The following TBC1D22A variants were observed in gnomAD, a reference collection of about 807,000 sequenced individuals.
The protein encoded by TBC1D22A is TBC1 domain family member 22A.
TBC1D22A carries 38 observed loss-of-function variants against 60.2 expected under a neutral mutation model. The ratio of observed to expected loss-of-function variants is 0.63; its 90% CI spans 0.49 to 0.83. The LOEUF (loss-of-function observed/expected upper bound fraction) is 0.83, where lower values mean the gene tolerates loss of function less well. TBC1D22A is among the 40% of genes least tolerant of loss of function. TBC1D22A has a pLI of 0.00. For missense variants in TBC1D22A, 628 were observed against 701.0 expected, an observed-to-expected ratio of 0.90 and a Z score of 1.18; for synonymous variants, 302 against 281.7, an observed-to-expected ratio of 1.07 and a Z score of -0.72.
chr22:47,061,556 C>T (rs1353977042), intron 11 of TBC1D22A, among the ~76,000 whole-genome samples: 1 of 152,170 alleles, frequency 6.6e-6, no homozygotes, highest in African/African-American at 2.4e-5. Context: ...CCGCAGCTTC[C>T]CCACACAGTC....
intron 12 of TBC1D22A, among the ~76,000 whole-genome samples, chr22:47,152,839 G>T (rs945274078): frequency 6.6e-6 from 1 of 152,210 alleles, no homozygotes; most frequent in Non-Finnish European, 1.5e-5. Context: ...CGGGGGAGAC[G>T]CAGGATGCCA....
At position 46,793,743 on chromosome 22, in the gene TBC1D22A, A is replaced by G. The variant is rs1221318821; in HGVS notation, c.362A>G (p.Gln121Arg). 2 of 1,605,208 alleles carry G rather than the reference A, an allele frequency of 1.2e-6. No homozygotes were observed. Among genetic ancestry groups the G allele is most frequent in the African/African-American group, 1.3e-5 (1 of 74,470 alleles). Residue 121 changes from glutamine to arginine, a missense_variant, in exon 3 of 13, where the codon CAG becomes CGG. Physicochemically the swap from Gln to Arg is conservative, Grantham distance 43. Coordinates refer to ENST00000337137, the MANE Select transcript of TBC1D22A (RefSeq NM_014346.5). ...ACGCTGCAGGAGGGGCCAGGGCTTC[A>G]GCAGAAGCCCAGGCCCGAGGCAGAG... is the stretch of plus-strand genomic sequence containing the variant. Reference protein sequence around the residue: ...RPTLQEGPGLQQKPRPEAEPP... With the variant: ...RPTLQEGPGLRQKPRPEAEPP...
At chr22:46,878,467 T>A (rs1461430408) in intron 4 of TBC1D22A, among the ~76,000 whole-genome samples, 186 bp from the exon 5 acceptor site, 2 of 151,800 alleles carry the variant, frequency 1.3e-5, no homozygotes, top group African/African-American at 2.4e-5. Flanking sequence ...TTGGTTTGAA[T>A]AGAATGGTCA....
intron 11 of TBC1D22A, among the ~76,000 whole-genome samples, chr22:47,059,021 G>A (rs16996268): frequency 0.033 from 5,050 of 152,142 alleles, 257 homozygotes; most frequent in African/African-American, 0.11. Flanking sequence ...CACTCTACAC[G>A]TCCCCTGTCA....
At chr22:46,867,841 G>A (rs943431396) in intron 4 of TBC1D22A, among the ~76,000 whole-genome samples, 3 of 152,234 alleles carry the variant, frequency 2.0e-5, no homozygotes, top group Non-Finnish European at 4.4e-5. Context: ...ATAAGCAGAT[G>A]ACTCCAGAGG....
At chr22:47,100,303 G>A (rs1042583911) in intron 11 of TBC1D22A, among the ~76,000 whole-genome samples, 4 of 151,988 alleles carry the variant, frequency 2.6e-5, no homozygotes, top group Non-Finnish European at 5.9e-5. Flanking sequence ...GCAGGGGTGA[G>A]GCATGGGGAA....
chr22:47,074,033 C>T lies in TBC1D22A; in HGVS notation c.1329+36835C>T, dbSNP rs145071097. On this transcript the variant is annotated intron_variant, in intron 11 of 12. Coordinates refer to ENST00000337137, the MANE Select transcript of TBC1D22A (RefSeq NM_014346.5). ...CTACTCGGGAGGATCAGTCGGGCCC[C>T]GGAGGTTGAGGCTGCAGTGAGCTAT... 4.5e-3 allele frequency among the ~76,000 whole-genome samples: 690 copies of T among 152,194 alleles called. 10 individuals are homozygous for T. The highest frequency in any genetic ancestry group is 0.016 in the African/African-American group (648 of 41,528).
At chr22:46,815,448 G>A (rs1033863488) in intron 4 of TBC1D22A, among the ~76,000 whole-genome samples, 4 of 152,220 alleles carry the variant, frequency 2.6e-5, no homozygotes, top group Non-Finnish European at 5.9e-5. Flanking sequence ...ATGTTTTCTC[G>A]CTCAGAGTAC....
chr22:47,159,610 A>G (rs762822120), intron 12 of TBC1D22A, among the ~76,000 whole-genome samples: 6 of 151,938 alleles, frequency 3.9e-5, no homozygotes, highest in Non-Finnish European at 8.8e-5. Flanking sequence ...CCATGTGTAC[A>G]TACACTATAC....
At chr22:46,936,569 C>T (rs1259026243) in intron 8 of TBC1D22A, among the ~76,000 whole-genome samples, 1 of 152,256 alleles carries the variant, frequency 6.6e-6, no homozygotes, top group African/African-American at 2.4e-5. Flanking sequence ...TGGCGGACAG[C>T]CTGACAAGCG....
At position 46,788,502 on chromosome 22, in the gene TBC1D22A, G is replaced by A. The variant is rs2084262785; in HGVS notation, c.63-4018G>A. Among the ~76,000 whole-genome samples the A allele has an allele frequency of 2.0e-5, 3 of 152,218 alleles. No individual in the cohort carries two copies. The South Asian group carries it at 6.2e-4, about 31-fold the overall frequency. ...CTGAGCAGTGGCACGTGGCATGGTG[G>A]TCACAGGGCTGTTCCTTCACTTTTC... On this transcript the variant is annotated intron_variant, in intron 1 of 12. Coordinates refer to ENST00000337137, the MANE Select transcript of TBC1D22A (RefSeq NM_014346.5).
intron 9 of TBC1D22A, among the ~76,000 whole-genome samples, chr22:46,986,142 A>G (rs1373869472): frequency 6.6e-6 from 1 of 152,230 alleles, no homozygotes; most frequent in Non-Finnish European, 1.5e-5. Context: ...CCTGGTGAAC[A>G]TAATGCCATT....
chr22:47,135,087 G>T (rs1436816212), intron 12 of TBC1D22A, among the ~76,000 whole-genome samples: 3 of 152,244 alleles, frequency 2.0e-5, no homozygotes, highest in Admixed American at 6.5e-5. Context: ...CTGGGAAGGG[G>T]ACACTGGCTG....
At chr22:47,119,730 C>T (rs901759420) in intron 12 of TBC1D22A, among the ~76,000 whole-genome samples, 1 of 152,026 alleles carries the variant, frequency 6.6e-6, no homozygotes, top group South Asian at 2.1e-4. Flanking sequence ...CTCCTGACCT[C>T]GTAATCCGCC....
chr22:46,769,409 T>C (rs978605989), intron 1 of TBC1D22A, among the ~76,000 whole-genome samples: 3 of 152,222 alleles, frequency 2.0e-5, no homozygotes, highest in African/African-American at 7.2e-5. Context: ...GCCATGTGGC[T>C]CTTCACGGCT....
At chr22:47,044,409 G>A (rs1378963449) in intron 11 of TBC1D22A, among the ~76,000 whole-genome samples, 5 of 152,176 alleles carry the variant, frequency 3.3e-5, no homozygotes, top group African/African-American at 1.2e-4. Flanking sequence ...GGGTGAGGGT[G>A]GACAGCGTGC....
chr22:46,803,771 T>TGACAAA (rs2085007484), intron 4 of TBC1D22A, among the ~76,000 whole-genome samples: 1 of 152,194 alleles, frequency 6.6e-6, no homozygotes, highest in South Asian at 2.1e-4. Flanking sequence ...GGCAGCCCCC[T>TGACAAA]GGCCACCTAG....
In TBC1D22A at chr22:46,798,593, A is replaced by G. The variant is rs564092668; in HGVS notation, c.637+973A>G. ...CTGAATCCACGTCCTTCCTTTCCCT[A>G]TCTCATCTTTGTGGAGTGCCACTCT... is the stretch of plus-strand genomic sequence containing the variant. On this transcript the variant is annotated intron_variant, in intron 4 of 12. Coordinates refer to ENST00000337137, the MANE Select transcript of TBC1D22A (RefSeq NM_014346.5). 5.5e-4 allele frequency among the ~76,000 whole-genome samples: 84 copies of G among 152,204 alleles called. 1 individual carries two copies. Among genetic ancestry groups the G allele is most frequent in the African/African-American group, 2.0e-3 (81 of 41,530 alleles).
chr22:47,051,694 G>A (rs1387539197), intron 11 of TBC1D22A, among the ~76,000 whole-genome samples: 1 of 152,178 alleles, frequency 6.6e-6, no homozygotes, highest in Non-Finnish European at 1.5e-5. Context: ...CCGCTTGCCT[G>A]GGGTGGGGGC....
Sources: allele counts gnomAD v4.1 joint callset (sites outside exome capture counted in the v4.1 genomes callset), GRCh38; gene constraint gnomAD v4.1.1; transcripts MANE v1.5; gene names NCBI Gene and HGNC (gene_info 2026-07-23, HGNC 2026-07-21).